CLUAP1: variants seen among roughly 807,000 people sequenced by gnomAD.
The protein encoded by CLUAP1 is clusterin-associated protein 1.
In CLUAP1, 50 loss-of-function variants were observed where a neutral mutation model predicts 55.0. The ratio of observed to expected loss-of-function variants is 0.91; its 90% CI spans 0.72 to 1.15. The LOEUF (loss-of-function observed/expected upper bound fraction) is 1.15. Ranked by LOEUF, CLUAP1 falls within the 50% of genes most tolerant of loss-of-function variation. CLUAP1 has a pLI of 0.00. For missense variants in CLUAP1, 530 were observed against 507.6 expected (o/e 1.04, Z -0.42); for synonymous variants, 195 against 175.4 (o/e 1.11, Z -0.88).
chr16:3,504,465 C>T (rs1488726608), intron 1 of CLUAP1, among the ~76,000 whole-genome samples: 2 of 152,212 alleles, frequency 1.3e-5, no homozygotes, highest in African/African-American at 4.8e-5. Flanking sequence ...ATGAAATTCA[C>T]AGCTAATCCC....
At chr16:3,512,568 A>G in intron 5 of CLUAP1, 90 bp downstream of exon 5, 2 of 971,906 alleles carry the variant, frequency 2.1e-6, no homozygotes, top group Non-Finnish European at 3.2e-6. Context: ...GTTCTGATTT[A>G]ATGAAATACA....
At chr16:3,502,530 A>G (rs79325459) in intron 1 of CLUAP1, among the ~76,000 whole-genome samples, 1,924 of 151,954 alleles carry the variant, frequency 0.013, 46 homozygotes, top group African/African-American at 0.044. Context: ...TTCTCGTCCA[A>G]TTGTTGGTGC....
intron 4 of CLUAP1, among the ~76,000 whole-genome samples, chr16:3,510,303 T>TC (rs1391815375): frequency 6.6e-6 from 1 of 151,542 alleles, no homozygotes; most frequent in East Asian, 1.9e-4. Context: ...TTTGTATTTT[T>TC]TTTTTTTTTT....
At chr16:3,535,947 T>G in intron 11 of CLUAP1, 175 bp from the exon 12 acceptor site, 1 of 654,500 alleles carries the variant, frequency 1.5e-6, no homozygotes, top group East Asian at 2.8e-5. Context: ...AAATTCCAGC[T>G]GGCAGTACAT....
At chr16:3,497,351 A>G (rs1232607741), upstream of CLUAP1, among the ~76,000 whole-genome samples, 3 of 152,232 alleles carry the variant, frequency 2.0e-5, no homozygotes. Context: ...AAATAGGAAT[A>G]CATTTAACCA....
At chr16:3,527,288 C>G (rs147084758) in intron 9 of CLUAP1, among the ~76,000 whole-genome samples, 1 of 152,098 alleles carries the variant, frequency 6.6e-6, no homozygotes, top group Admixed American at 6.5e-5. Context: ...TCATAATAAT[C>G]CTCGCTCTAC....
chr16:3,497,547 T>C (rs964904246), upstream of CLUAP1, among the ~76,000 whole-genome samples: 1 of 152,216 alleles, frequency 6.6e-6, no homozygotes, highest in Non-Finnish European at 1.5e-5. Flanking sequence ...TGTATTAGGC[T>C]TCTCCAGAGA....
chr16:3,523,333 T>C, intron 8 of CLUAP1, 34 bp downstream of exon 8: 1 of 1,581,360 alleles, frequency 6.3e-7, no homozygotes. Flanking sequence ...CAGCCATTCC[T>C]TCTGGTGTGT....
rs1463347640 is a variant in CLUAP1 at position 3,537,918 on chromosome 16, G to A, written c.*1647G>A. On this transcript the variant is annotated 3_prime_UTR_variant, in exon 12 of 12. Coordinates refer to ENST00000576634, the MANE Select transcript of CLUAP1 (RefSeq NM_015041.3). ...GGAGGCTGAGGCAGGAGAATCGCTT[G>A]AACCTAGGAGGCGGAGGTTGCAGTG... 1 of 139,974 alleles carries A rather than the reference G, an allele frequency of 7.1e-6. No individual in the cohort carries two copies. The highest frequency in any genetic ancestry group is 2.2e-4 in the East Asian group (1 of 4,484). The allele number at this position is 139,974 out of a possible 1,614,324, so 8.7% of individuals were successfully genotyped here.
chr16:3,505,294 G>T (rs1433431698), intron 2 of CLUAP1, among the ~76,000 whole-genome samples: 2 of 152,172 alleles, frequency 1.3e-5, no homozygotes, highest in Non-Finnish European at 2.9e-5. Flanking sequence ...ACTTTGGGAG[G>T]CCGAGGCGGG....
upstream of CLUAP1, among the ~76,000 whole-genome samples, chr16:3,497,302 A>T (rs2037325111): frequency 6.6e-6 from 1 of 152,210 alleles, no homozygotes; most frequent in African/African-American, 2.4e-5. Flanking sequence ...CACAAAAATT[A>T]ATTGTATTTC....
intron 11 of CLUAP1, chr16:3,535,833 C>T (rs529512175): frequency 2.6e-6 from 1 of 379,140 alleles, no homozygotes; most frequent in Non-Finnish European, 4.8e-6. Flanking sequence ...GTCCAGTGGC[C>T]CTCAGCGCAG....
At chr16:3,528,327 CTCTT>C (rs1274833210) in intron 9 of CLUAP1, among the ~76,000 whole-genome samples, 3 of 152,196 alleles carry the variant, frequency 2.0e-5, no homozygotes, top group African/African-American at 4.8e-5. Context: ...CTCTCTCTCT[CTCTT>C]TCTCTTTCTT....
At chr16:3,496,616 C>T, upstream of CLUAP1, 2 of 532,408 alleles carry the variant, frequency 3.8e-6, no homozygotes, top group Admixed American at 2.0e-5. Flanking sequence ...CGGCCCCGTC[C>T]TACTCTCCGG....
chr16:3,533,343 T>C (rs2038167063), intron 11 of CLUAP1: 2 of 584,404 alleles, frequency 3.4e-6, no homozygotes, highest in East Asian at 5.8e-5. Context: ...GCACGGAGCC[T>C]GGAGGCGGGG....
At chr16:3,506,935 G>A (rs1479153689) in intron 3 of CLUAP1, among the ~76,000 whole-genome samples, 2 of 152,034 alleles carry the variant, frequency 1.3e-5, no homozygotes, top group East Asian at 3.9e-4. Context: ...GGTGGCTCAC[G>A]CCTGTAATCC....
At chr16:3,511,099 C>T (rs902275365) in intron 4 of CLUAP1, among the ~76,000 whole-genome samples, 1 of 152,056 alleles carries the variant, frequency 6.6e-6, no homozygotes, top group African/African-American at 2.4e-5. Context: ...ATGTGCTGCT[C>T]GGAAGGGAAG....
Position 3,521,501 on chromosome 16 carries a change from C to A in CLUAP1, c.713+1465C>A, listed in dbSNP as rs868599383. On this transcript the variant is annotated intron_variant, in intron 7 of 11. Transcript: ENST00000576634. ...CGAGGCTGGAGTGCAATGGCGCGATCCCGGCTCACTGCAAACTCTGCCTCC... is the reference window on the plus strand; with the variant it reads ...CGAGGCTGGAGTGCAATGGCGCGATACCGGCTCACTGCAAACTCTGCCTCC... 5.3e-5 allele frequency among the ~76,000 whole-genome samples: 8 copies of A among 150,152 alleles called. No individual in the cohort carries two copies. In the East Asian group the frequency reaches 1.6e-3, roughly 29 times the overall value.
At chr16:3,500,426 G>A (rs1239546554), upstream of CLUAP1, among the ~76,000 whole-genome samples, 1 of 149,404 alleles carries the variant, frequency 6.7e-6, no homozygotes, top group Non-Finnish European at 1.5e-5. Flanking sequence ...CCGAAGGGCA[G>A]TGGCGCGATC....
Sources: allele counts gnomAD v4.1 joint callset (sites outside exome capture counted in the v4.1 genomes callset), GRCh38; gene constraint gnomAD v4.1.1; transcripts MANE v1.5; gene names NCBI Gene and HGNC (gene_info 2026-07-23, HGNC 2026-07-21).